Variants in RGPD4 observed in about 807,000 individuals in gnomAD.
The protein encoded by RGPD4 is ranBP2-like and GRIP domain-containing protein 4.
In RGPD4, 84 loss-of-function variants were observed where a neutral mutation model predicts 141.1. The ratio of observed to expected loss-of-function variants is 0.60; its 90% CI spans 0.50 to 0.71. RGPD4 has a LOEUF of 0.71. Among genes scored for constraint, RGPD4 ranks in the 30% least tolerant of loss-of-function variants. The pLI is 0.00. For synonymous variants in RGPD4, 298 were observed against 566.8 expected (o/e 0.53, Z 6.74); for missense variants, 918 against 1,622.4 (o/e 0.57, Z 7.46).
chr2:107,886,298 T>TA (rs201117721), intron 22 of RGPD4, among the ~76,000 whole-genome samples: 44,327 of 76,144 alleles, frequency 0.58, 11,833 homozygotes, highest in Middle Eastern at 0.76. Context: ...CAAGCAGTAT[T>TA]AAAAAAAAAA....
rs546260925 is a variant in RGPD4, at chr2:107,854,359, C to T, written c.979-197C>T. On this transcript the variant is annotated intron_variant, in intron 7 of 22. Coordinates refer to ENST00000408999, the MANE Select transcript of RGPD4 (RefSeq NM_182588.3). The stretch of plus-strand genomic sequence containing the variant: ...TTGGGATTACAGGTGTGAGCCACCA[C>T]GCCTGTACCTGGCCTATCTTTCATA... Among the ~76,000 whole-genome samples the T allele has an allele frequency of 5.1e-3, 782 of 152,034 alleles. 26 individuals are homozygous for T. Among genetic ancestry groups the T allele is most frequent in the Non-Finnish European group, 1.3e-3 (86 of 67,962 alleles).
At chr2:107,879,926 T>A (rs776292327) in intron 20 of RGPD4, 42 bp from the exon 21 acceptor site, 3 of 1,608,760 alleles carry the variant, frequency 1.9e-6, no homozygotes, top group Non-Finnish European at 2.5e-6. Context: ...TCATCTGTAA[T>A]GTATGATTTT....
chr2:107,884,289 A>T (rs1225114248), intron 22 of RGPD4, among the ~76,000 whole-genome samples: 1 of 152,140 alleles, frequency 6.6e-6, no homozygotes, highest in African/African-American at 2.4e-5. Context: ...TTTAGTAGAG[A>T]CGAGGTTTCA....
Position 107,838,725 on chromosome 2 carries a change from C to T in RGPD4, c.253-87C>T, listed in dbSNP as rs1416779985. ...AAGAGTTGGAGTGATAATTTTTAAC[C>T]TTTATATATAAGTATATAAGTATAT... On this transcript the variant is annotated intron_variant, in intron 3 of 22. Coordinates refer to ENST00000408999, the MANE Select transcript of RGPD4 (RefSeq NM_182588.3). 1.1e-5 allele frequency: 7 copies of T among 645,434 alleles called. 3 individuals are homozygous for T. Among genetic ancestry groups the T allele is most frequent in the Non-Finnish European group, 1.3e-5 (6 of 478,392 alleles). The allele number at this position is 645,434 out of a possible 1,614,324, so 40.0% of individuals were successfully genotyped here.
At chr2:107,846,564 T>A (rs1207606307) in intron 6 of RGPD4, among the ~76,000 whole-genome samples, 1 of 150,062 alleles carries the variant, frequency 6.7e-6, no homozygotes. Flanking sequence ...CTTCCCAGGT[T>A]CAAGCGATTC....
intron 1 of RGPD4, among the ~76,000 whole-genome samples, chr2:107,827,402 C>G (rs1453249714): frequency 1.3e-5 from 1 of 78,346 alleles, no homozygotes; most frequent in Middle Eastern, 8.9e-3. Flanking sequence ...TCTGTTGAGG[C>G]GGCGGCCTCG....
chr2:107,880,161 C>A (rs976340464), intron 21 of RGPD4, 54 bp downstream of exon 21: 2 of 1,610,810 alleles, frequency 1.2e-6, no homozygotes, highest in Non-Finnish European at 1.7e-6. Context: ...TTTTCTGGAC[C>A]CTCCATACAC....
chr2:107,872,710 T>C lies in RGPD4; in HGVS notation c.4706T>C (p.Leu1569Ser), dbSNP rs1344978905. 8.7e-6 allele frequency: 14 copies of C among 1,611,504 alleles called. No individual in the cohort carries two copies. Among genetic ancestry groups the C allele is most frequent in the Admixed American group, 1.7e-5 (1 of 59,972 alleles). The change falls in exon 20 of 23, where the codon TTG becomes TCG. Residue 1569 changes from leucine (L) to serine (S), a missense_variant. Physicochemically the swap from Leu to Ser is moderately radical, Grantham distance 145. Coordinates refer to ENST00000408999, the MANE Select transcript of RGPD4 (RefSeq NM_182588.3). The stretch of plus-strand genomic sequence containing the variant: ...GGCAACAGTTCTGCCACTGGGTCTT[T>C]GTTTGGATTTAGTTTTAATGCATCT... ...AFGNSSATGSLFGFSFNASLK... is the reference protein window; with the variant it reads ...AFGNSSATGSSFGFSFNASLK...
In RGPD4 at chr2:107,871,766, A is replaced by C. The variant is rs146938020; in HGVS notation, c.3762A>C (p.Leu1254Phe). The C allele has an allele frequency of 1.1e-5, 17 of 1,611,500 alleles. No homozygotes were observed. The Admixed American group carries it at 2.7e-4, about 25-fold the overall frequency. ...CATTAGAATGGGATAACTGTGATTT[A>C]AGGGAAGATGCTTTGGATGATAGTG... ...GPTLEWDNCD[L>F]REDALDDSVS... Residue 1254 changes from leucine (L) to phenylalanine (F), a missense_variant, in exon 20 of 23, where the codon TTA becomes TTC. Leu to Phe is a conservative substitution (Grantham distance 22). Transcript: ENST00000408999.
intron 22 of RGPD4, among the ~76,000 whole-genome samples, chr2:107,887,267 A>T (rs1325766673): frequency 6.6e-6 from 1 of 152,128 alleles, no homozygotes; most frequent in African/African-American, 2.4e-5. Context: ...AAAAAAAATT[A>T]AGAAATAAAA....
intron 18 of RGPD4, among the ~76,000 whole-genome samples, chr2:107,867,352 T>A (rs1451375132): frequency 8.7e-4 from 132 of 152,266 alleles, no homozygotes; most frequent in East Asian, 2.9e-3. Context: ...ATGGTCCATA[T>A]AGTTAAGGCA....
intron 22 of RGPD4, among the ~76,000 whole-genome samples, chr2:107,887,251 A>G (rs1675540286): frequency 7.6e-6 from 1 of 132,140 alleles, no homozygotes; most frequent in African/African-American, 2.5e-5. Flanking sequence ...GTAAAACCCC[A>G]TCTTTAAAAA....
Position 107,872,938 on chromosome 2 carries a change from T to C in RGPD4, c.4924+10T>C, listed in dbSNP as rs756485607. On this transcript the variant is annotated intron_variant, in intron 20 of 22. Coordinates refer to ENST00000408999, the MANE Select transcript of RGPD4 (RefSeq NM_182588.3). Reference sequence around the variant, plus strand: ...AAAACACCAGAAAAGGGTAGGTACTTTGTTGTTAAAGTTAAGCACAATTTT... The same window carrying C: ...AAAACACCAGAAAAGGGTAGGTACTCTGTTGTTAAAGTTAAGCACAATTTT... 4 of 1,523,766 alleles carry C rather than the reference T, an allele frequency of 2.6e-6. 1 individual carries two copies. The highest frequency in any genetic ancestry group is 3.3e-5 in the African/African-American group (2 of 61,078). 94.4% of individuals were successfully genotyped at this position (1,523,766 alleles called of 1,614,324 possible).
In RGPD4 at chr2:107,838,580, G is replaced by GT. The variant is rs1681716905; in HGVS notation, c.252+218dup. 4.4e-5 allele frequency among the ~76,000 whole-genome samples: 3 copies of GT among 68,034 alleles called. 1 individual carries two copies. The highest frequency in any genetic ancestry group is 9.7e-5 in the Non-Finnish European group (3 of 30,822). 44.6% of individuals were successfully genotyped at this position (68,034 alleles called of 152,430 possible). A position where few individuals can be genotyped will look rare whatever the true frequency, so the allele number is the denominator to read the frequency against. On this transcript the variant is annotated intron_variant, in intron 3 of 22. Coordinates refer to ENST00000408999, the MANE Select transcript of RGPD4 (RefSeq NM_182588.3). ...ACGGTCAGAAATGGTGTTCTTTTGT[G>GT]TTTTTTGCATTCAAATGACACAAAT...
chr2:107,876,577 G>T (rs1573528065), intron 20 of RGPD4, among the ~76,000 whole-genome samples: 1 of 151,036 alleles, frequency 6.6e-6, no homozygotes, highest in African/African-American at 2.4e-5. Context: ...CAATTAGTTG[G>T]AGTTTTAGTT....
rs957229955 is a variant in RGPD4, at chr2:107,882,087, T to C, written c.5065-585T>C. Among the ~76,000 whole-genome samples the C allele has an allele frequency of 8.6e-5, 13 of 152,016 alleles. 1 individual carries two copies. The highest frequency in any genetic ancestry group is 3.1e-4 in the African/African-American group (13 of 41,284). ...GGTACCAACCCATGGCTCCAGTTATTTGCTCCTCATGGAGACGTTCCATCA... is the reference window on the plus strand; with the variant it reads ...GGTACCAACCCATGGCTCCAGTTATCTGCTCCTCATGGAGACGTTCCATCA... On this transcript the variant is annotated intron_variant, in intron 21 of 22. Transcript: ENST00000408999.
chr2:107,890,792 G>C lies in RGPD4; in HGVS notation c.*61G>C. 1.3e-6 allele frequency: 2 copies of C among 1,591,484 alleles called. No homozygotes were observed. The highest frequency in any genetic ancestry group is 8.6e-7 in the Non-Finnish European group (1 of 1,168,482). On this transcript the variant is annotated 3_prime_UTR_variant, in exon 23 of 23. Coordinates refer to ENST00000408999, the MANE Select transcript of RGPD4 (RefSeq NM_182588.3). The stretch of plus-strand genomic sequence containing the variant: ...TCGTAGTTGGTTTGGACTTCGATAG[G>C]TTGATGGAAGGAATATTTTTATTAA...
chr2:107,875,548 A>T (rs1336947983), intron 20 of RGPD4, among the ~76,000 whole-genome samples: 1 of 144,028 alleles, frequency 6.9e-6, no homozygotes, highest in African/African-American at 2.7e-5. Flanking sequence ...AAACTCCTTT[A>T]GCCAGAAGTT....
chr2:107,885,437 T>C (rs1449618691), intron 22 of RGPD4, among the ~76,000 whole-genome samples: 2 of 152,220 alleles, frequency 1.3e-5, no homozygotes, highest in African/African-American at 2.4e-5. Flanking sequence ...TTAATGTAGA[T>C]GTTGCTAATG....
Sources: gnomAD v4.1 joint callset for allele counts (sites outside exome capture counted in the v4.1 genomes callset) on GRCh38, gnomAD v4.1.1 for gene constraint, MANE v1.5 for transcripts, NCBI Gene and HGNC (gene_info 2026-07-23, HGNC 2026-07-21) for gene names.